Variants in ITPKC observed in about 807,000 individuals in gnomAD.
ITPKC encodes the protein inositol-trisphosphate 3-kinase C.
In ITPKC, 33 loss-of-function variants were observed where a neutral mutation model predicts 67.1. That is an observed-to-expected ratio of 0.49 (90% CI 0.37 to 0.66). The LOEUF (loss-of-function observed/expected upper bound fraction) is 0.66, where lower values mean the gene tolerates loss of function less well. Ranked by LOEUF, ITPKC falls within the 30% of genes least tolerant of loss-of-function variation. The probability of loss-of-function intolerance (pLI) is 0.00; values close to 1 mark genes in which losing one functional copy is unlikely to be tolerated. For missense variants in ITPKC, 820 were observed against 892.1 expected, an observed-to-expected ratio of 0.92 and a Z score of 1.03; for synonymous variants, 341 against 359.8, an observed-to-expected ratio of 0.95 and a Z score of 0.59.
At chr19:40,719,128 G>A (rs2082209021) in intron 1 of ITPKC, among the ~76,000 whole-genome samples, 1 of 152,146 alleles carries the variant, frequency 6.6e-6, no homozygotes, top group South Asian at 2.1e-4. Flanking sequence ...CAGCTTGCCT[G>A]CTGAGGCCTC....
In ITPKC at chr19:40,729,426, G is replaced by A; in HGVS notation, c.1469+11G>A. 1 of 1,607,024 alleles carries A rather than the reference G, an allele frequency of 6.2e-7. No individual in the cohort carries two copies. ...CAAGATGGGCAGCAGGTGGGGCTGG[G>A]GCAGCCCTGGGGCAGGGATGGAGGG... On this transcript the variant is annotated intron_variant, in intron 3 of 6. Coordinates refer to ENST00000263370, the MANE Select transcript of ITPKC (RefSeq NM_025194.3).
chr19:40,731,595 GT>G (rs776003885), intron 3 of ITPKC, among the ~76,000 whole-genome samples: 2,205 of 81,064 alleles, frequency 0.027, 13 homozygotes, highest in Non-Finnish European at 0.029. Flanking sequence ...CCAATCCTTG[GT>G]TTTTTTTTTT....
rs143757004 is a variant in ITPKC, at chr19:40,718,227, C to T, written c.1092C>T (p.Asp364=). The change falls in exon 1 of 7, where the codon GAC becomes GAT. Residue 364 remains aspartate, a synonymous_variant. Transcript: ENST00000263370. ...SGGFSSASSF[D]ESEDDVVAGG... Reference sequence around the variant, plus strand: ...GCTTCTCCTCTGCCTCTTCTTTCGACGAGTCTGAGGATGACGTGGTGGCCG... The same window carrying T: ...GCTTCTCCTCTGCCTCTTCTTTCGATGAGTCTGAGGATGACGTGGTGGCCG... 9 of 1,543,124 alleles carry T rather than the reference C, an allele frequency of 5.8e-6. No homozygotes were observed. The highest frequency in any genetic ancestry group is 5.5e-5 in the African/African-American group (4 of 72,854).
In ITPKC at chr19:40,718,040, C is replaced by A; in HGVS notation, c.905C>A (p.Pro302Gln). ...CTCTTGGGAGAGCCTGAGGATGGCC[C>A]ATTAGAGGAACCAGAGCCTGGAGAA... Reference protein sequence around the residue: ...DCLLGEPEDGPLEEPEPGELL... With the variant: ...DCLLGEPEDGQLEEPEPGELL... Residue 302 changes from proline (P) to glutamine (Q), a missense_variant, in exon 1 of 7, where the codon CCA (proline) becomes CAA (glutamine). This residue lies in a region of ITPKC where 481 missense variants were observed against 470.1 expected (regional missense o/e 1.02). Transcript: ENST00000263370. 4 of 1,614,116 alleles carry A rather than the reference C, an allele frequency of 2.5e-6. No individual in the cohort carries two copies. The highest frequency in any genetic ancestry group is 3.4e-6 in the Non-Finnish European group (4 of 1,180,018).
chr19:40,727,343 TAAATAAATA>T (rs1202375965), intron 2 of ITPKC, among the ~76,000 whole-genome samples: 14 of 114,826 alleles, frequency 1.2e-4, no homozygotes, highest in East Asian at 5.7e-4. Flanking sequence ...CAAAAATAAA[TAAATAAATA>T]AAATAAAATA....
At chr19:40,725,682 G>T (rs191496713) in intron 2 of ITPKC, among the ~76,000 whole-genome samples, 217 of 152,316 alleles carry the variant, frequency 1.4e-3, no homozygotes, top group Non-Finnish European at 2.4e-3. Flanking sequence ...CCCTAGTTCT[G>T]CTCTGTATTC....
At chr19:40,732,400 G>C (rs1038160421) in intron 3 of ITPKC, among the ~76,000 whole-genome samples, 1 of 148,586 alleles carries the variant, frequency 6.7e-6, no homozygotes, top group Non-Finnish European at 1.5e-5. Flanking sequence ...TGTGGTGGCG[G>C]GCACCTGTAA....
intron 6 of ITPKC, 86 bp from the exon 7 acceptor site, chr19:40,739,271 G>C: frequency 2.1e-6 from 2 of 968,094 alleles, no homozygotes; most frequent in Non-Finnish European, 3.1e-6. Flanking sequence ...GGTTCATGCT[G>C]TCAATCACCC....
rs757983810 is a variant in ITPKC, at chr19:40,737,102, C to G, written c.1776+15C>G. On this transcript the variant is annotated intron_variant, in intron 5 of 6. Coordinates refer to ENST00000263370, the MANE Select transcript of ITPKC (RefSeq NM_025194.3). ...ACGTCATCCTGGTGAGTGGGACACC[C>G]ATGTCCCAGAATGTAGCAGCTTAAG... 11 of 1,472,590 alleles carry G rather than the reference C, an allele frequency of 7.5e-6. No homozygotes were observed. Among genetic ancestry groups the G allele is most frequent in the Non-Finnish European group, 1.0e-5 (11 of 1,070,494 alleles). 91.2% of individuals were successfully genotyped at this position (1,472,590 alleles called of 1,614,324 possible).
intron 3 of ITPKC, among the ~76,000 whole-genome samples, chr19:40,730,320 C>CACACACACACACAG (rs946137113): frequency 2.6e-4 from 39 of 151,356 alleles, no homozygotes; most frequent in Non-Finnish European, 4.4e-4. Flanking sequence ...AGGCTGTATA[C>CACACACACACACAG]ACACACACAC....
intron 2 of ITPKC, among the ~76,000 whole-genome samples, chr19:40,727,343 TAAATAAATAAAATA>T (rs2082250758): frequency 1.7e-5 from 2 of 114,748 alleles, no homozygotes; most frequent in Admixed American, 1.0e-4. Context: ...CAAAAATAAA[TAAATAAATAAAATA>T]AAATAAAATA....
chr19:40,732,445 G>A (rs1056771578), intron 3 of ITPKC, among the ~76,000 whole-genome samples: 2 of 145,732 alleles, frequency 1.4e-5, no homozygotes, highest in African/African-American at 5.1e-5. Context: ...CAGGAGAATC[G>A]CTTGAATCCG....
chr19:40,737,993 A>G (rs1445204836), intron 6 of ITPKC, among the ~76,000 whole-genome samples: 4 of 36,682 alleles, frequency 1.1e-4, no homozygotes, highest in Non-Finnish European at 1.9e-4. Flanking sequence ...CTCTATTTGG[A>G]AAAAAAAAAA....
rs758730025 is a variant in ITPKC at position 40,718,024 on chromosome 19, G to C, written c.889G>C (p.Glu297Gln). 1.2e-6 allele frequency: 2 copies of C among 1,614,204 alleles called. No individual in the cohort carries two copies. Among genetic ancestry groups the C allele is most frequent in the Non-Finnish European group, 8.5e-7 (1 of 1,180,030 alleles). ...ACCTGGGACAGACTGCCTCTTGGGA[G>C]AGCCTGAGGATGGCCCATTAGAGGA... Reference protein sequence around the residue: ...TAPGTDCLLGEPEDGPLEEPE... With the variant: ...TAPGTDCLLGQPEDGPLEEPE... The change falls in exon 1 of 7, where the codon GAG becomes CAG. Residue 297 changes from glutamate to glutamine, a missense_variant. Physicochemically the swap from Glu to Gln is conservative, Grantham distance 29. Transcript: ENST00000263370.
Position 40,718,235 on chromosome 19 carries a change from A to C in ITPKC, c.1100A>C (p.Glu367Ala). ...FSSASSFDES[E>A]DDVVAGGGGA... Reference sequence around the variant, plus strand: ...TCTGCCTCTTCTTTCGACGAGTCTGAGGATGACGTGGTGGCCGGGGGCGGA... The same window carrying C: ...TCTGCCTCTTCTTTCGACGAGTCTGCGGATGACGTGGTGGCCGGGGGCGGA... The change falls in exon 1 of 7, where the codon GAG (glutamate) becomes GCG (alanine). Residue 367 changes from glutamate (E) to alanine (A), a missense_variant. Coordinates refer to ENST00000263370, the MANE Select transcript of ITPKC (RefSeq NM_025194.3). 1.3e-6 allele frequency: 2 copies of C among 1,531,110 alleles called. No individual in the cohort carries two copies. Among genetic ancestry groups the C allele is most frequent in the Non-Finnish European group, 1.7e-6 (2 of 1,144,466 alleles). 94.8% of individuals were successfully genotyped at this position (1,531,110 alleles called of 1,614,324 possible).
chr19:40,725,372 GAA>G lies in ITPKC; in HGVS notation c.1189_1190del (p.Lys397ValfsTer40). The G allele has an allele frequency of 6.2e-7, 1 of 1,614,042 alleles. No individual in the cohort carries two copies. Among genetic ancestry groups the G allele is most frequent in the Non-Finnish European group, 8.5e-7 (1 of 1,179,844 alleles). ...KPWKKLKTVL[K>X]YSPFVVSFRK... The stretch of plus-strand genomic sequence containing the variant: ...CCTGGAAGAAGCTGAAGACAGTTCT[GAA>G]GTATTCACCCTTTGTGGTCTCCTTC... On this transcript the variant is annotated frameshift_variant, in exon 2 of 7. Coordinates refer to ENST00000263370, the MANE Select transcript of ITPKC (RefSeq NM_025194.3). LOFTEE classifies it high-confidence loss of function.
At chr19:40,729,962 A>T (rs2144745528) in intron 3 of ITPKC, among the ~76,000 whole-genome samples, 1 of 152,124 alleles carries the variant, frequency 6.6e-6, no homozygotes, top group South Asian at 2.1e-4. Context: ...CCTCTTTGAG[A>T]CAGAGTCTTA....
intron 1 of ITPKC, among the ~76,000 whole-genome samples, chr19:40,720,379 A>C (rs1050534571): frequency 4.0e-5 from 6 of 151,702 alleles, no homozygotes; most frequent in African/African-American, 1.2e-4. Flanking sequence ...AAAAAAAAAA[A>C]CAAAAACAAC....
chr19:40,721,108 G>C (rs997176884), intron 1 of ITPKC, among the ~76,000 whole-genome samples: 1 of 151,862 alleles, frequency 6.6e-6, no homozygotes, highest in Admixed American at 6.6e-5. Flanking sequence ...CCCCTACCAT[G>C]TATTTGGTCC....
Sources: gnomAD v4.1 joint callset for allele counts (sites outside exome capture counted in the v4.1 genomes callset) on GRCh38, gnomAD v4.1.1 for gene constraint, gnomAD v4.1.1 regional missense constraint, MANE v1.5 for transcripts, NCBI Gene and HGNC (gene_info 2026-07-23, HGNC 2026-07-21) for gene names.